BTBD3: variants seen among roughly 807,000 people sequenced by gnomAD.
The protein encoded by BTBD3 is BTB/POZ domain-containing protein 3.
Under a neutral mutation model 41.6 loss-of-function variants are expected in BTBD3, and 14 were observed. That is an observed-to-expected ratio of 0.34 (90% CI 0.22 to 0.53). The LOEUF (loss-of-function observed/expected upper bound fraction) is 0.53. Ranked by LOEUF, BTBD3 falls within the 20% of genes least tolerant of loss-of-function variation. The pLI is 0.95. For missense variants in BTBD3, 426 were observed against 654.7 expected, an observed-to-expected ratio of 0.65 and a Z score of 3.81; for synonymous variants, 249 against 233.7, an observed-to-expected ratio of 1.07 and a Z score of -0.60.
chr20:11,897,879 C>T (rs972961247), intron 1 of BTBD3, among the ~76,000 whole-genome samples: 2 of 152,166 alleles, frequency 1.3e-5, no homozygotes, highest in African/African-American at 4.8e-5. Flanking sequence ...ATGATCTGGG[C>T]CGGGCATGGT....
chr20:11,895,168 T>C (rs144978709), intron 1 of BTBD3, among the ~76,000 whole-genome samples: 15 of 152,292 alleles, frequency 9.8e-5, no homozygotes, highest in Non-Finnish European at 1.9e-4. Context: ...TGAGGTCTGC[T>C]TCAGTTTTAG....
Position 11,925,084 on chromosome 20 carries a change from T to G in BTBD3, c.*1418T>G, listed in dbSNP as rs557224678. On this transcript the variant is annotated 3_prime_UTR_variant, in exon 4 of 4. Transcript: ENST00000378226. ...GTTTCTGGGCAGCTTTTCTGCTCAG[T>G]GTGATCCTGAGATGGCTTCCCCGCC... 3.9e-5 allele frequency: 6 copies of G among 152,862 alleles called. No individual in the cohort carries two copies. The highest frequency in any genetic ancestry group is 1.4e-4 in the African/African-American group (6 of 41,596). The allele number at this position is 152,862 out of a possible 1,614,324, so 9.5% of individuals were successfully genotyped here. A position where few individuals can be genotyped will look rare whatever the true frequency, so the allele number is the denominator to read the frequency against.
chr20:11,900,207 T>G (rs1055358717), intron 1 of BTBD3, among the ~76,000 whole-genome samples: 6 of 152,236 alleles, frequency 3.9e-5, no homozygotes, highest in African/African-American at 7.2e-5. Context: ...TCTGATTAGA[T>G]CTACTTTTTG....
At chr20:11,913,424 G>T (rs2056901097), upstream of BTBD3, 1 of 151,998 alleles carries the variant, frequency 6.6e-6, no homozygotes, top group African/African-American at 2.4e-5. Context: ...CCCTACAGGG[G>T]TGCAGACTAC....
At chr20:11,903,565 A>G (rs111431514) in intron 1 of BTBD3, among the ~76,000 whole-genome samples, 1,840 of 152,226 alleles carry the variant, frequency 0.012, 28 homozygotes, top group African/African-American at 0.042. Context: ...CGAGATGCCA[A>G]ACAGTGCCAT....
At chr20:11,912,668 G>A (rs1442096421) in intron 1 of BTBD3, among the ~76,000 whole-genome samples, 3 of 152,192 alleles carry the variant, frequency 2.0e-5, no homozygotes, top group African/African-American at 7.2e-5. Flanking sequence ...GCTGCTAATG[G>A]TGAGAACTTA....
chr20:11,911,972 C>T lies in BTBD3; in HGVS notation c.-125-6362C>T, dbSNP rs143556168. On this transcript the variant is annotated intron_variant, in intron 1 of 4. Transcript: ENST00000254977. ...CATATGGAATTTTAAAAAGAATCATCGTTCCCTGCCTTCTAAGAATTACCA... is the reference window on the plus strand; with the variant it reads ...CATATGGAATTTTAAAAAGAATCATTGTTCCCTGCCTTCTAAGAATTACCA... Among the ~76,000 whole-genome samples the T allele has an allele frequency of 2.9e-3, 436 of 152,222 alleles. 2 individuals are homozygous for T. The highest frequency in any genetic ancestry group is 9.2e-3 in the African/African-American group (383 of 41,532).
chr20:11,910,613 A>G (rs879388352), intron 1 of BTBD3: 3 of 152,220 alleles, frequency 2.0e-5, no homozygotes, highest in Non-Finnish European at 4.4e-5. Flanking sequence ...AAAGTAAGCA[A>G]TATCTTCTAA....
intron 1 of BTBD3, among the ~76,000 whole-genome samples, chr20:11,893,304 T>A (rs545488884): frequency 1.1e-4 from 17 of 152,324 alleles, no homozygotes; most frequent in African/African-American, 3.8e-4. Context: ...GAAATGGTTT[T>A]CTCTTACTAA....
At chr20:11,919,669 G>T in intron 2 of BTBD3, 49 bp from the exon 3 acceptor site, 1 of 1,550,422 alleles carries the variant, frequency 6.4e-7, no homozygotes, top group East Asian at 2.2e-5. Flanking sequence ...TGATTTGCTG[G>T]AAATGCCTTC....
Position 11,924,615 on chromosome 20 carries a change from C to T in BTBD3, c.*949C>T, listed in dbSNP as rs1055936380. The T allele has an allele frequency of 1.3e-5, 2 of 152,438 alleles. No homozygotes were observed. The highest frequency in any genetic ancestry group is 2.4e-5 in the African/African-American group (1 of 41,386). 9.4% of individuals were successfully genotyped at this position (152,438 alleles called of 1,614,324 possible). ...GTGTAGAATTTCTATTTTCTTTTTC[C>T]CCATTAAAAGAGGACCAAACAATTC... On this transcript the variant is annotated 3_prime_UTR_variant, in exon 4 of 4. Transcript: ENST00000378226.
chr20:11,907,110 T>A (rs1203068228), intron 1 of BTBD3, among the ~76,000 whole-genome samples: 1 of 152,184 alleles, frequency 6.6e-6, no homozygotes, highest in African/African-American at 2.4e-5. Flanking sequence ...TGGTAATAGT[T>A]CTTGTTCCTG....
intron 1 of BTBD3, among the ~76,000 whole-genome samples, chr20:11,898,362 C>G (rs772419296): frequency 6.9e-6 from 1 of 145,828 alleles, no homozygotes; most frequent in East Asian, 1.9e-4. Flanking sequence ...ATTTATCCTA[C>G]CCCCCCAGCC....
chr20:11,906,254 C>CTTT lies in BTBD3; in HGVS notation c.-125-12054_-125-12052dup, dbSNP rs3071747. ...CCATAATTTCCATTTATTATTACTC[C>CTTT]TTTTTTTTTTTTTTTTTTTTTTTTT... On this transcript the variant is annotated intron_variant, in intron 1 of 4. Transcript: ENST00000254977. Among the ~76,000 whole-genome samples, 99 of 36,214 alleles carry CTTT rather than the reference C, an allele frequency of 2.7e-3. 16 individuals carry two copies. Among genetic ancestry groups the CTTT allele is most frequent in the Middle Eastern group, 0.038 (1 of 26 alleles). The allele number at this position is 36,214 out of a possible 152,430, so 23.8% of individuals were successfully genotyped here. A position where few individuals can be genotyped will look rare whatever the true frequency, so the allele number is the denominator to read the frequency against.
At chr20:11,909,141 G>A (rs551998722) in intron 1 of BTBD3, among the ~76,000 whole-genome samples, 1 of 151,972 alleles carries the variant, frequency 6.6e-6, no homozygotes, top group Non-Finnish European at 1.5e-5. Context: ...CGGTGTGGTG[G>A]CGCATTCCTG....
chr20:11,918,386 C>G lies in BTBD3; in HGVS notation c.111C>G (p.Ser37Arg). The G allele has an allele frequency of 6.2e-7, 1 of 1,614,148 alleles. No homozygotes were observed. The highest frequency in any genetic ancestry group is 8.5e-7 in the Non-Finnish European group (1 of 1,180,006). ...GCTCAAAGAAAGCAAATACCAGCAG[C>G]AGCAGTAGCAACAGCAGCAAGTTGC... ...KKSSKKANTS[S>R]SSSNSSKLPP... Residue 37 changes from serine (S) to arginine (R), a missense_variant, in exon 1 of 4, where the codon AGC (serine) becomes AGG (arginine). By Grantham distance (110) the Ser-to-Arg change is moderately radical. Coordinates refer to ENST00000378226, the MANE Select transcript of BTBD3 (RefSeq NM_014962.4).
At chr20:11,892,491 TC>T (rs960751659) in intron 1 of BTBD3, 15 of 152,326 alleles carry the variant, frequency 9.8e-5, no homozygotes, top group Non-Finnish European at 2.2e-4. Flanking sequence ...ACAGGACTCT[TC>T]CTTTTCGGAA....
chr20:11,919,862 A>C lies in BTBD3; in HGVS notation c.536+26A>C, dbSNP rs564771152. 7 of 1,594,564 alleles carry C rather than the reference A, an allele frequency of 4.4e-6. No individual in the cohort carries two copies. The African/African-American group carries it at 8.0e-5, about 18-fold the overall frequency. ...GTAAGCATCATTCGTGTGTTTGGAAAGAGTTTGTTTATGCTGTATTTGTAC... is the reference window on the plus strand; with the variant it reads ...GTAAGCATCATTCGTGTGTTTGGAACGAGTTTGTTTATGCTGTATTTGTAC... On this transcript the variant is annotated intron_variant, in intron 3 of 3. Coordinates refer to ENST00000378226, the MANE Select transcript of BTBD3 (RefSeq NM_014962.4).
At chr20:11,896,352 C>G (rs888853547) in intron 1 of BTBD3, among the ~76,000 whole-genome samples, 7 of 152,162 alleles carry the variant, frequency 4.6e-5, no homozygotes, top group Admixed American at 2.0e-4. Context: ...ATAGCTGGCA[C>G]TTATGCGAAA....
Sources: allele counts gnomAD v4.1 joint callset (sites outside exome capture counted in the v4.1 genomes callset), GRCh38; gene constraint gnomAD v4.1.1; transcripts MANE v1.5; gene names NCBI Gene and HGNC (gene_info 2026-07-23, HGNC 2026-07-21).